Variants in DTNA observed in about 807,000 individuals in gnomAD.
The protein encoded by DTNA is dystrophin-related protein 3.
In DTNA, 43 loss-of-function variants were observed where a neutral mutation model predicts 100.7. The ratio of observed to expected loss-of-function variants is 0.43; its 90% CI spans 0.33 to 0.55. The LOEUF (loss-of-function observed/expected upper bound fraction) is 0.55. Among genes scored for constraint, DTNA ranks in the 20% least tolerant of loss-of-function variants. The pLI is 0.04. For synonymous variants in DTNA, 349 were observed against 347.9 expected (o/e 1.00, Z -0.04); for missense variants, 798 against 953.9 (o/e 0.84, Z 2.15).
At chr18:34,733,561 A>G (rs954594059) in intron 1 of DTNA, among the ~76,000 whole-genome samples, 1 of 152,198 alleles carries the variant, frequency 6.6e-6, no homozygotes, top group African/African-American at 2.4e-5. Flanking sequence ...CACTGTATTT[A>G]AATTTTATAA....
chr18:34,526,988 GA>G (rs2145385984), intron 1 of DTNA, among the ~76,000 whole-genome samples: 1 of 152,210 alleles, frequency 6.6e-6, no homozygotes, highest in South Asian at 2.1e-4. Flanking sequence ...ATCTTAGGCA[GA>G]TCCTCATGAA....
intron 1 of DTNA, among the ~76,000 whole-genome samples, chr18:34,616,821 T>C (rs1332380833): frequency 6.6e-6 from 1 of 152,198 alleles, no homozygotes; most frequent in African/African-American, 2.4e-5. Flanking sequence ...TTTGTAATTC[T>C]TATTGTAGAG....
intron 1 of DTNA, among the ~76,000 whole-genome samples, chr18:34,500,063 T>G (rs2039727819): frequency 6.6e-6 from 1 of 152,182 alleles, no homozygotes; most frequent in East Asian, 1.9e-4. Context: ...CATATAAATT[T>G]TAGAATTACC....
chr18:34,719,799 A>T lies in DTNA; in HGVS notation c.-2+9354A>T, dbSNP rs147297416. Among the ~76,000 whole-genome samples, 3 of 152,328 alleles carry T rather than the reference A, an allele frequency of 2.0e-5. No individual in the cohort carries two copies. In the East Asian group the frequency reaches 5.8e-4, roughly 29 times the overall value. On this transcript the variant is annotated intron_variant, in intron 1 of 22. Coordinates refer to ENST00000444659, the MANE Select transcript of DTNA (RefSeq NM_001386795.1). Reference sequence around the variant, plus strand: ...TTTGTTTAGGAGCATGCCCTTATAAATTGGAGAAACTCTTCTTCTACCCAA... The same window carrying T: ...TTTGTTTAGGAGCATGCCCTTATAATTTGGAGAAACTCTTCTTCTACCCAA...
intron 3 of DTNA, among the ~76,000 whole-genome samples, chr18:34,790,615 A>G (rs2094696471): frequency 8.4e-6 from 1 of 118,892 alleles, no homozygotes; most frequent in African/African-American, 3.3e-5. Context: ...TCTGTTGCCC[A>G]GGTTGGAGTG....
chr18:34,630,211 G>A (rs1452013286), intron 1 of DTNA, among the ~76,000 whole-genome samples: 1 of 151,970 alleles, frequency 6.6e-6, no homozygotes, highest in African/African-American at 2.4e-5. Flanking sequence ...GTCTGGGCGG[G>A]TGATTTATGA....
At chr18:34,636,871 T>C (rs2058723450) in intron 1 of DTNA, among the ~76,000 whole-genome samples, 1 of 152,204 alleles carries the variant, frequency 6.6e-6, no homozygotes, top group African/African-American at 2.4e-5. Flanking sequence ...TAGGTGTTGG[T>C]TAAAATGAAT....
chr18:34,761,126 TCACACACACACACACA>T (rs6146260), intron 2 of DTNA, among the ~76,000 whole-genome samples: 117,028 of 149,324 alleles, frequency 0.78, 46,336 homozygotes, highest in East Asian at 0.96. Context: ...CCTCCATCCT[TCACACACACACACACA>T]CACACACACA....
At chr18:34,581,794 T>A (rs1236721408) in intron 1 of DTNA, among the ~76,000 whole-genome samples, 1 of 151,874 alleles carries the variant, frequency 6.6e-6, no homozygotes, top group East Asian at 1.9e-4. Flanking sequence ...CCGCTAATTT[T>A]TGTAATTTTA....
intron 16 of DTNA, among the ~76,000 whole-genome samples, chr18:34,863,298 C>T (rs1428186968): frequency 6.6e-6 from 1 of 152,132 alleles, no homozygotes; most frequent in Non-Finnish European, 1.5e-5. Context: ...TTCTTGCTGA[C>T]AGTTTAATAA....
intron 4 of DTNA, among the ~76,000 whole-genome samples, chr18:34,803,476 C>G (rs1278442755): frequency 2.6e-5 from 4 of 152,006 alleles, no homozygotes; most frequent in Admixed American, 2.6e-4. Flanking sequence ...ACTCTCTGTT[C>G]CAAAATCATT....
At position 34,889,421 on chromosome 18, in the gene DTNA, G is replaced by C. The variant is rs2096951102; in HGVS notation, c.*1687G>C. ...TGCTCGCTAAAGGTTGAGAACTACT[G>C]CTTTAGAATGAAGTCGTATAATAAA... is the stretch of plus-strand genomic sequence containing the variant. On this transcript the variant is annotated 3_prime_UTR_variant, in exon 23 of 23. Coordinates refer to ENST00000444659, the MANE Select transcript of DTNA (RefSeq NM_001386795.1). 1.0e-6 allele frequency: 1 copy of C among 985,280 alleles called. No homozygotes were observed. The highest frequency in any genetic ancestry group is 4.7e-5 in the South Asian group (1 of 21,292). The allele number at this position is 985,280 out of a possible 1,614,324, so 61.0% of individuals were successfully genotyped here. A position where few individuals can be genotyped will look rare whatever the true frequency, so the allele number is the denominator to read the frequency against.
intron 20 of DTNA, among the ~76,000 whole-genome samples, chr18:34,880,995 A>G (rs2096866375): frequency 6.6e-6 from 1 of 152,228 alleles, no homozygotes; most frequent in Admixed American, 6.5e-5. Flanking sequence ...ATCCAAGACT[A>G]TTGAGGCCAC....
At chr18:34,698,511 T>G (rs541004341) in intron 1 of DTNA, among the ~76,000 whole-genome samples, 1 of 152,344 alleles carries the variant, frequency 6.6e-6, no homozygotes, top group East Asian at 1.9e-4. Context: ...ATGTCTCTTT[T>G]TACATTCTCT....
intron 1 of DTNA, among the ~76,000 whole-genome samples, chr18:34,507,153 T>C (rs1408108125): frequency 6.6e-6 from 1 of 152,070 alleles, no homozygotes; most frequent in Admixed American, 6.6e-5. Context: ...CTCTCTCCCC[T>C]CCTGGAAAGC....
chr18:34,498,372 G>A (rs1036434796), intron 1 of DTNA, among the ~76,000 whole-genome samples: 2 of 151,278 alleles, frequency 1.3e-5, no homozygotes, highest in African/African-American at 4.9e-5. Flanking sequence ...GGCAGAGCTT[G>A]CAGTGAGCCG....
chr18:34,690,645 A>T (rs1429633046), intron 1 of DTNA, among the ~76,000 whole-genome samples: 2 of 152,210 alleles, frequency 1.3e-5, no homozygotes, highest in Non-Finnish European at 2.9e-5. Context: ...GGTGATTTTA[A>T]TCATGATGTA....
rs2090733081 is a variant in DTNA, at chr18:34,741,979, AT to A, written c.-1-13996del. Reference sequence around the variant, plus strand: ...AAGCCTGAGTTTCCTCATCTACAAAATGAGGATAATAACACCAACTAACTTG... The same window carrying A: ...AAGCCTGAGTTTCCTCATCTACAAAAGAGGATAATAACACCAACTAACTTG... On this transcript the variant is annotated intron_variant, in intron 1 of 22. Transcript: ENST00000444659. Among the ~76,000 whole-genome samples, 3 of 152,158 alleles carry A rather than the reference AT, an allele frequency of 2.0e-5. No homozygotes were observed. The South Asian group carries it at 6.2e-4, about 31-fold the overall frequency.
chr18:34,606,449 A>G (rs1180074610), intron 1 of DTNA, among the ~76,000 whole-genome samples: 9 of 152,126 alleles, frequency 5.9e-5, no homozygotes, highest in Admixed American at 5.9e-4. Flanking sequence ...CACAACCAAG[A>G]CTCGTATCAA....
Sources: allele counts gnomAD v4.1 joint callset (sites outside exome capture counted in the v4.1 genomes callset), GRCh38; gene constraint gnomAD v4.1.1; transcripts MANE v1.5; gene names NCBI Gene and HGNC (gene_info 2026-07-23, HGNC 2026-07-21).